POU6F2: variants seen among roughly 807,000 people sequenced by gnomAD.
POU6F2 encodes the protein POU class 6 homeobox 2.
Under a neutral mutation model 71.3 loss-of-function variants are expected in POU6F2, and 31 were observed. The observed-to-expected ratio is 0.43, with a 90% CI of 0.33 to 0.59. POU6F2 has a LOEUF of 0.59. Among genes scored for constraint, POU6F2 ranks in the 20% least tolerant of loss-of-function variants. The pLI, the probability that POU6F2 is intolerant of heterozygous loss-of-function variation, is 0.04. For missense variants in POU6F2, 783 were observed against 856.8 expected (o/e 0.91, Z 1.07); for synonymous variants, 347 against 355.7 (o/e 0.98, Z 0.27).
rs183454898 is a variant in POU6F2, at chr7:39,029,674, G to A, written c.105+51616G>A. Among the ~76,000 whole-genome samples, 12 of 152,104 alleles carry A rather than the reference G, an allele frequency of 7.9e-5. No individual in the cohort carries two copies. In the East Asian group the frequency reaches 1.2e-3, roughly 15 times the overall value. ...GAACAATTATGTTTTATGTAAGTTC[G>A]TTATAGAATTCCTTTAAAATGGTAA... On this transcript the variant is annotated intron_variant, in intron 1 of 9. Coordinates refer to ENST00000518318, the MANE Select transcript of POU6F2 (RefSeq NM_001370959.1).
intron 2 of POU6F2, among the ~76,000 whole-genome samples, chr7:39,201,276 C>A (rs893326715): frequency 5.3e-5 from 8 of 152,122 alleles, no homozygotes; most frequent in African/African-American, 1.7e-4. Flanking sequence ...TAAACCCAGG[C>A]AGAGTTTAAA....
intron 4 of POU6F2, among the ~76,000 whole-genome samples, chr7:39,262,568 C>G (rs1784157139): frequency 6.6e-6 from 1 of 152,122 alleles, no homozygotes. Context: ...TTATAAATGA[C>G]TAGGGTTTTT....
intron 4 of POU6F2, among the ~76,000 whole-genome samples, chr7:39,248,246 G>C (rs1783854537): frequency 6.6e-6 from 1 of 152,178 alleles, no homozygotes; most frequent in African/African-American, 2.4e-5. Flanking sequence ...TGGCTAATGA[G>C]CTCACTCTCA....
chr7:39,092,516 T>A (rs1268015780), intron 2 of POU6F2, among the ~76,000 whole-genome samples: 1 of 152,250 alleles, frequency 6.6e-6, no homozygotes, highest in Non-Finnish European at 1.5e-5. Context: ...ACATATACTT[T>A]GTCATGCTAT....
At chr7:39,148,127 G>A (rs1441518209) in intron 2 of POU6F2, among the ~76,000 whole-genome samples, 1 of 152,208 alleles carries the variant, frequency 6.6e-6, no homozygotes, top group Non-Finnish European at 1.5e-5. Context: ...CCCATCAGCA[G>A]AAAAGCTGGC....
chr7:39,362,261 T>C (rs1163692756), intron 5 of POU6F2, among the ~76,000 whole-genome samples: 1 of 150,772 alleles, frequency 6.6e-6, no homozygotes, highest in Non-Finnish European at 1.5e-5. Flanking sequence ...TTATTTCCTC[T>C]TGAAAGCTAT....
At chr7:39,179,523 G>A (rs546774577) in intron 2 of POU6F2, among the ~76,000 whole-genome samples, 53 of 151,824 alleles carry the variant, frequency 3.5e-4, no homozygotes, top group African/African-American at 1.1e-3. Flanking sequence ...CCGCACGCGC[G>A]CACATGCGCG....
chr7:39,275,097 C>T (rs368804145), intron 4 of POU6F2, among the ~76,000 whole-genome samples: 2 of 151,978 alleles, frequency 1.3e-5, no homozygotes, highest in Admixed American at 6.6e-5. Flanking sequence ...ATTAGGAAAA[C>T]AGGAAGTCAG....
At position 39,433,175 on chromosome 7, in the gene POU6F2, C is replaced by T. The variant is rs1788151301; in HGVS notation, c.1212C>T (p.Leu404=). The T allele has an allele frequency of 3.7e-6, 6 of 1,613,804 alleles. No individual in the cohort carries two copies. Among genetic ancestry groups the T allele is most frequent in the Non-Finnish European group, 5.1e-6 (6 of 1,179,904 alleles). Residue 404 remains leucine, a synonymous_variant, in exon 7 of 10, where the codon CTC becomes CTT. Transcript: ENST00000518318. The part of the protein sequence containing the change: ...GLQVQPITPQ[L]LTNAQGQIIA... ...AAGTGCAGCCAATCACCCCCCAGCT[C>T]CTCACAAACGCCCAGGGCCAGATCA...
intron 1 of POU6F2, among the ~76,000 whole-genome samples, chr7:38,993,613 C>T (rs1584485256): frequency 3.4e-5 from 1 of 29,054 alleles, no homozygotes. Context: ...GGATTTTAAA[C>T]ACACACACAC....
At chr7:39,411,638 G>C (rs150824315) in intron 6 of POU6F2, among the ~76,000 whole-genome samples, 302 of 152,362 alleles carry the variant, frequency 2.0e-3, no homozygotes, top group Admixed American at 4.2e-3. Flanking sequence ...ACATATGACA[G>C]CTGAGCAGAG....
intron 2 of POU6F2, among the ~76,000 whole-genome samples, chr7:39,172,348 C>T (rs1304189440): frequency 5.9e-5 from 9 of 152,134 alleles, no homozygotes; most frequent in Non-Finnish European, 1.3e-4. Context: ...GTTGCATCAT[C>T]CAGGTAACAT....
At chr7:39,410,768 T>C (rs1043906104) in intron 6 of POU6F2, among the ~76,000 whole-genome samples, 2 of 152,210 alleles carry the variant, frequency 1.3e-5, no homozygotes, top group Non-Finnish European at 2.9e-5. Flanking sequence ...ATTATCATCA[T>C]CATCATTGTT....
Position 39,040,382 on chromosome 7 carries a change from C to T in POU6F2, c.106-45478C>T, listed in dbSNP as rs1790169013. Among the ~76,000 whole-genome samples the T allele has an allele frequency of 1.3e-5, 2 of 150,810 alleles. 1 individual carries two copies. Among genetic ancestry groups the T allele is most frequent in the South Asian group, 4.2e-4 (2 of 4,784 alleles). On this transcript the variant is annotated intron_variant, in intron 1 of 9. Transcript: ENST00000518318. Reference sequence around the variant, plus strand: ...ATTACATTTAATATAATGTAGTTATCCTATCTTTAAGACATATTTTGTGAT... The same window carrying T: ...ATTACATTTAATATAATGTAGTTATTCTATCTTTAAGACATATTTTGTGAT...
At chr7:39,018,933 CCTT>C (rs1254425729) in intron 1 of POU6F2, among the ~76,000 whole-genome samples, 1 of 152,082 alleles carries the variant, frequency 6.6e-6, no homozygotes, top group African/African-American at 2.4e-5. Flanking sequence ...TGGAAACACT[CCTT>C]CTGATTTCCC....
rs1784988933 is a variant in POU6F2, at chr7:39,303,355, T to A, written c.599-36287T>A. The stretch of plus-strand genomic sequence containing the variant: ...GTAGAGACGGGGTTTCACCATGTTA[T>A]CCAGGATGGTCTCAATCTCCTGACC... On this transcript the variant is annotated intron_variant, in intron 4 of 9. Transcript: ENST00000518318. 2.0e-5 allele frequency among the ~76,000 whole-genome samples: 3 copies of A among 151,944 alleles called. No homozygotes were observed. In the South Asian group the frequency reaches 6.2e-4, roughly 32 times the overall value.
intron 5 of POU6F2, among the ~76,000 whole-genome samples, chr7:39,390,732 GA>G (rs1787056372): frequency 6.6e-6 from 1 of 152,152 alleles, no homozygotes; most frequent in Non-Finnish European, 1.5e-5. Context: ...GTATAACATA[GA>G]ATATAAGTTC....
chr7:39,086,507 T>C (rs1451309142), intron 2 of POU6F2, among the ~76,000 whole-genome samples: 1 of 152,032 alleles, frequency 6.6e-6, no homozygotes, highest in Non-Finnish European at 1.5e-5. Flanking sequence ...TAAACAAAGG[T>C]GGACACAGGA....
intron 4 of POU6F2, among the ~76,000 whole-genome samples, chr7:39,269,474 C>T (rs965930168): frequency 2.0e-5 from 3 of 152,212 alleles, no homozygotes; most frequent in Non-Finnish European, 2.9e-5. Flanking sequence ...GTCGGCTGGG[C>T]GGCAGGGCTG....
Sources: allele counts gnomAD v4.1 joint callset (sites outside exome capture counted in the v4.1 genomes callset), GRCh38; gene constraint gnomAD v4.1.1; transcripts MANE v1.5; gene names NCBI Gene and HGNC (gene_info 2026-07-23, HGNC 2026-07-21).